UVRAG: variants seen among roughly 807,000 people sequenced by gnomAD.
UVRAG encodes UV radiation resistance-associated gene protein.
UVRAG carries 19 observed loss-of-function variants against 78.0 expected under a neutral mutation model. The ratio of observed to expected loss-of-function variants is 0.24; its 90% CI spans 0.17 to 0.36. UVRAG has a LOEUF of 0.36. Among genes scored for constraint, UVRAG ranks in the 10% least tolerant of loss-of-function variants. UVRAG has a pLI of 1.00. For missense variants in UVRAG, 740 were observed against 853.8 expected (o/e 0.87, Z 1.66); for synonymous variants, 323 against 324.6 (o/e 1.00, Z 0.05).
intron 6 of UVRAG, among the ~76,000 whole-genome samples, chr11:75,946,069 T>C (rs1031787084): frequency 1.8e-4 from 28 of 152,306 alleles, no homozygotes; most frequent in African/African-American, 6.7e-4. Context: ...TGCTCTGATC[T>C]CTGTATTTTT....
intron 6 of UVRAG, among the ~76,000 whole-genome samples, chr11:75,923,171 T>A (rs970996033): frequency 3.1e-4 from 47 of 151,590 alleles, no homozygotes; most frequent in African/African-American, 1.1e-3. Context: ...ACTTAATGCT[T>A]TTGTTAGGAT....
At chr11:76,111,352 G>A (rs1037150271) in intron 13 of UVRAG, among the ~76,000 whole-genome samples, 8 of 152,186 alleles carry the variant, frequency 5.3e-5, no homozygotes, top group Non-Finnish European at 1.0e-4. Context: ...AATATATAGA[G>A]CTAAACATAG....
chr11:75,974,267 C>T (rs182627124), intron 7 of UVRAG, among the ~76,000 whole-genome samples: 307 of 150,624 alleles, frequency 2.0e-3, no homozygotes, highest in African/African-American at 7.2e-3. Context: ...GAGATGGTAT[C>T]TCATTGTGGT....
intron 3 of UVRAG, among the ~76,000 whole-genome samples, chr11:75,872,035 T>C (rs1198415313): frequency 1.3e-5 from 2 of 152,206 alleles, no homozygotes; most frequent in Non-Finnish European, 2.9e-5. Flanking sequence ...TTTAAAAAAA[T>C]TGATGGGATA....
intron 1 of UVRAG, among the ~76,000 whole-genome samples, chr11:75,828,150 A>T (rs1472814063): frequency 2.6e-5 from 4 of 152,180 alleles, no homozygotes; most frequent in Admixed American, 6.5e-5. Context: ...ACCATTATAG[A>T]ATTATATATG....
At chr11:75,986,010 A>T (rs1033379813) in intron 8 of UVRAG, among the ~76,000 whole-genome samples, 1 of 152,058 alleles carries the variant, frequency 6.6e-6, no homozygotes, top group East Asian at 1.9e-4. Flanking sequence ...TTTTTGCCCT[A>T]TGTCATTTTC....
intron 1 of UVRAG, among the ~76,000 whole-genome samples, chr11:75,832,791 T>C (rs970480615): frequency 1.3e-5 from 2 of 152,206 alleles, no homozygotes; most frequent in African/African-American, 4.8e-5. Context: ...CCACCAGTTA[T>C]CTCATTAGCA....
At chr11:75,828,801 A>ATT (rs1354813765) in intron 1 of UVRAG, among the ~76,000 whole-genome samples, 4,892 of 74,674 alleles carry the variant, frequency 0.066, 298 homozygotes, top group Non-Finnish European at 0.083. Flanking sequence ...ATATATATAT[A>ATT]TATATTTTTT....
intron 13 of UVRAG, among the ~76,000 whole-genome samples, chr11:76,088,852 A>G (rs1304843625): frequency 4.6e-5 from 7 of 152,202 alleles, no homozygotes; most frequent in Non-Finnish European, 8.8e-5. Context: ...AAAACAAGTA[A>G]TCGATCAAAT....
intron 8 of UVRAG, among the ~76,000 whole-genome samples, chr11:75,984,225 A>G (rs1433525502): frequency 1.3e-5 from 2 of 152,236 alleles, no homozygotes. Context: ...TCAGTCAGCC[A>G]CATGATCATG....
intron 7 of UVRAG, among the ~76,000 whole-genome samples, chr11:75,964,208 T>G (rs1358259010): frequency 6.6e-6 from 1 of 152,240 alleles, no homozygotes; most frequent in African/African-American, 2.4e-5. Context: ...TGTAGTTTGT[T>G]TCCTTGTAAT....
At chr11:76,139,871 A>G (rs1952674432) in intron 14 of UVRAG, among the ~76,000 whole-genome samples, 1 of 152,042 alleles carries the variant, frequency 6.6e-6, no homozygotes, top group Non-Finnish European at 1.5e-5. Context: ...TTGCTGGCCC[A>G]AAGATACCCT....
At chr11:76,017,869 A>G (rs1194995787) in intron 12 of UVRAG, among the ~76,000 whole-genome samples, 2 of 152,214 alleles carry the variant, frequency 1.3e-5, no homozygotes, top group Non-Finnish European at 2.9e-5. Flanking sequence ...GCAGACCTGC[A>G]GTAAAGGAAA....
intron 3 of UVRAG, among the ~76,000 whole-genome samples, chr11:75,875,128 A>G (rs555892709): frequency 4.6e-4 from 70 of 152,188 alleles, no homozygotes; most frequent in African/African-American, 1.7e-3. Context: ...TTTTTGGGGG[A>G]AAAATTTGCT....
chr11:75,886,290 C>T (rs187881699), intron 4 of UVRAG, among the ~76,000 whole-genome samples: 2 of 152,184 alleles, frequency 1.3e-5, no homozygotes, highest in African/African-American at 4.8e-5. Flanking sequence ...CCCATACTCT[C>T]CCATCCCTTT....
At chr11:75,930,926 A>AC in intron 6 of UVRAG, 1 of 79,646 alleles carries the variant, frequency 1.3e-5, no homozygotes, top group South Asian at 4.0e-4. Flanking sequence ...AAGTGTCGGG[A>AC]TTTTCTTTCT....
intron 13 of UVRAG, among the ~76,000 whole-genome samples, chr11:76,101,363 C>T (rs927501048): frequency 1.3e-5 from 2 of 151,912 alleles, no homozygotes; most frequent in African/African-American, 4.8e-5. Context: ...GAGCTTTTTT[C>T]ATATACTTGT....
intron 5 of UVRAG, among the ~76,000 whole-genome samples, chr11:75,909,088 C>G (rs919478688): frequency 3.9e-5 from 6 of 152,006 alleles, no homozygotes; most frequent in Non-Finnish European, 8.8e-5. Context: ...TGGCTCATGC[C>G]TGTAATCCCA....
chr11:75,850,196 T>C (rs1946124511), intron 1 of UVRAG, among the ~76,000 whole-genome samples: 1 of 152,220 alleles, frequency 6.6e-6, no homozygotes, highest in Admixed American at 6.5e-5. Context: ...TTGGTCCTTT[T>C]GTTATTTAGG....
Sources: allele counts gnomAD v4.1 joint callset (sites outside exome capture counted in the v4.1 genomes callset), GRCh38; gene constraint gnomAD v4.1.1; transcripts MANE v1.5; gene names NCBI Gene and HGNC (gene_info 2026-07-23, HGNC 2026-07-21).